The following PKIB variants were observed in gnomAD, a reference collection of about 807,000 sequenced individuals.
The protein encoded by PKIB is PKI-beta.
PKIB carries 2 observed loss-of-function variants against 4.5 expected under a neutral mutation model. The observed-to-expected ratio is 0.44, with a 90% CI of 0.18 to 1.39. The LOEUF is 1.39. Ranked by LOEUF, PKIB falls within the 40% of genes most tolerant of loss-of-function variation. The probability of loss-of-function intolerance (pLI) is 0.27; values close to 1 mark genes in which losing one functional copy is unlikely to be tolerated. For missense variants in PKIB, 94 were observed against 92.6 expected (o/e 1.02, Z -0.06); for synonymous variants, 38 against 36.0 (o/e 1.06, Z -0.20).
intron 2 of PKIB, among the ~76,000 whole-genome samples, chr6:122,540,601 C>G (rs1004424190): frequency 4.0e-5 from 6 of 151,728 alleles, no homozygotes; most frequent in African/African-American, 9.7e-5. Flanking sequence ...TTACTTCCAA[C>G]TATGTGGTCA....
chr6:122,617,890 A>G (rs1405909745), intron 1 of PKIB, among the ~76,000 whole-genome samples: 1 of 152,090 alleles, frequency 6.6e-6, no homozygotes, highest in African/African-American at 2.4e-5. Context: ...GTTTTTGTAC[A>G]TTTGTAAGGA....
intron 2 of PKIB, among the ~76,000 whole-genome samples, chr6:122,635,094 G>C (rs935448336): frequency 2.0e-5 from 3 of 151,012 alleles, no homozygotes; most frequent in Non-Finnish European, 4.4e-5. Context: ...ATTATAATAC[G>C]AATTAATTTT....
chr6:122,627,278 A>G (rs1457290313), intron 1 of PKIB, among the ~76,000 whole-genome samples: 1 of 151,638 alleles, frequency 6.6e-6, no homozygotes, highest in Non-Finnish European at 1.5e-5. Flanking sequence ...CATCTCACCA[A>G]ATTTTAACTC....
chr6:122,497,375 A>G (rs879337141), intron 2 of PKIB, among the ~76,000 whole-genome samples: 2 of 152,200 alleles, frequency 1.3e-5, no homozygotes, highest in African/African-American at 2.4e-5. Context: ...TCACATTATA[A>G]TATTAGCCAT....
chr6:122,670,308 G>A (rs886461790), intron 2 of PKIB, among the ~76,000 whole-genome samples: 2 of 151,964 alleles, frequency 1.3e-5, no homozygotes, highest in Admixed American at 6.6e-5. Flanking sequence ...TAGAAAGGGG[G>A]AGAGGAGCAA....
intron 2 of PKIB, among the ~76,000 whole-genome samples, chr6:122,542,980 A>T (rs1562245498): frequency 1.3e-5 from 2 of 152,112 alleles, no homozygotes; most frequent in Non-Finnish European, 2.9e-5. Context: ...CTGTGCTAGC[A>T]ATCAGCGAGA....
At chr6:122,701,387 G>A in intron 3 of PKIB, 1 of 1,444,154 alleles carries the variant, frequency 6.9e-7, no homozygotes, top group East Asian at 2.5e-5. Context: ...GCTCTGGTAA[G>A]CAGGAATGAA....
chr6:122,662,531 G>A (rs1475329962), intron 2 of PKIB, among the ~76,000 whole-genome samples: 1 of 151,332 alleles, frequency 6.6e-6, no homozygotes, highest in Non-Finnish European at 1.5e-5. Context: ...TGTTGGACAG[G>A]CTGGTCTCGA....
chr6:122,486,870 G>T (rs34157234), intron 2 of PKIB, among the ~76,000 whole-genome samples: 85,988 of 151,930 alleles, frequency 0.57, 24,557 homozygotes, highest in South Asian at 0.69. Flanking sequence ...ATAATACTAT[G>T]AAGAATTCCA....
intron 2 of PKIB, among the ~76,000 whole-genome samples, chr6:122,657,914 T>C (rs908091515): frequency 5.9e-5 from 9 of 152,342 alleles, no homozygotes; most frequent in Non-Finnish European, 8.8e-5. Context: ...ATATATCAGA[T>C]ATGTGTGGTG....
chr6:122,593,273 A>G (rs988835928), intron 3 of PKIB, among the ~76,000 whole-genome samples: 2 of 152,220 alleles, frequency 1.3e-5, no homozygotes, highest in African/African-American at 4.8e-5. Flanking sequence ...GATATAATCC[A>G]GGGGCAGCGG....
intron 2 of PKIB, among the ~76,000 whole-genome samples, chr6:122,565,025 G>C (rs1361746695): frequency 2.0e-5 from 3 of 152,136 alleles, no homozygotes; most frequent in African/African-American, 2.4e-5. Flanking sequence ...CTGTTTCTTA[G>C]TATTAGACCT....
intron 3 of PKIB, among the ~76,000 whole-genome samples, chr6:122,588,328 G>A (rs1270443142): frequency 6.6e-6 from 1 of 152,110 alleles, no homozygotes; most frequent in Non-Finnish European, 1.5e-5. Context: ...TAGATATGCA[G>A]CATTATTTCT....
chr6:122,604,922 T>C (rs1774479932), intron 3 of PKIB, among the ~76,000 whole-genome samples: 1 of 152,174 alleles, frequency 6.6e-6, no homozygotes, highest in African/African-American at 2.4e-5. Context: ...TGAAAAGAAA[T>C]CAGTCTCTTT....
intron 2 of PKIB, among the ~76,000 whole-genome samples, chr6:122,498,177 A>T (rs1776128550): frequency 6.6e-6 from 1 of 152,212 alleles, no homozygotes; most frequent in Admixed American, 6.5e-5. Flanking sequence ...TACAAAAGAA[A>T]GGTGTATTGG....
intron 2 of PKIB, among the ~76,000 whole-genome samples, chr6:122,514,886 G>T (rs1776698279): frequency 6.6e-6 from 1 of 152,222 alleles, no homozygotes; most frequent in South Asian, 2.1e-4. Context: ...CCTCACTGGA[G>T]TGGGGTAACC....
At chr6:122,539,053 G>T (rs1003083516) in intron 2 of PKIB, among the ~76,000 whole-genome samples, 3 of 152,100 alleles carry the variant, frequency 2.0e-5, no homozygotes, top group Non-Finnish European at 2.9e-5. Flanking sequence ...CTTTGCTGAA[G>T]TTGCTTATCA....
At chr6:122,505,145 G>T (rs996755228) in intron 2 of PKIB, among the ~76,000 whole-genome samples, 6 of 152,210 alleles carry the variant, frequency 3.9e-5, no homozygotes, top group Non-Finnish European at 8.8e-5. Context: ...ATCTTTATCG[G>T]AGAGTAGTTG....
intron 2 of PKIB, among the ~76,000 whole-genome samples, chr6:122,636,862 A>T (rs1414766913): frequency 1.3e-5 from 2 of 152,182 alleles, no homozygotes; most frequent in African/African-American, 4.8e-5. Flanking sequence ...TAATACAGAA[A>T]CTTAGAGAAG....
Sources: gnomAD v4.1 joint callset for allele counts (sites outside exome capture counted in the v4.1 genomes callset) on GRCh38, gnomAD v4.1.1 for gene constraint, MANE v1.5 for transcripts, NCBI Gene and HGNC (gene_info 2026-07-23, HGNC 2026-07-21) for gene names.